Variants in LNP1 observed in about 807,000 individuals in gnomAD.
The protein encoded by LNP1 is leukemia NUP98 fusion partner 1.
A neutral mutation model predicts 14.5 loss-of-function variants in LNP1; 12 were observed. That is an observed-to-expected ratio of 0.83 (90% confidence interval 0.53 to 1.34). The LOEUF is 1.34. Among genes scored for constraint, LNP1 ranks in the 40% most tolerant of loss-of-function variants. The probability of loss-of-function intolerance (pLI) is 0.00; values close to 1 mark genes in which losing one functional copy is unlikely to be tolerated. For synonymous variants in LNP1, 75 were observed against 71.4 expected, an observed-to-expected ratio of 1.05 and a Z score of -0.26; for missense variants, 198 against 210.9, an observed-to-expected ratio of 0.94 and a Z score of 0.38.
intron 2 of LNP1, among the ~76,000 whole-genome samples, chr3:100,446,324 A>G (rs1707386369): frequency 6.6e-6 from 1 of 152,222 alleles, no homozygotes; most frequent in African/African-American, 2.4e-5. Context: ...ATCTTTGACA[A>G]ATCTGACAAA....
Position 100,416,599 on chromosome 3 carries a change from T to TGTGTG in LNP1, c.-33-13098_-33-13097insGTGTG, listed in dbSNP as rs1553740770. Reference sequence around the variant, plus strand: ...AAATAATACCTTGAGTATATCTTTTTTGTGTGTGTGTGTGTGTGTGTGTGT... The same window carrying TGTGTG: ...AAATAATACCTTGAGTATATCTTTTTGTGTGTGTGTGTGTGTGTGTGTGTGTGTGT... On this transcript the variant is annotated intron_variant, in intron 1 of 3. Coordinates refer to ENST00000383693, the MANE Select transcript of LNP1 (RefSeq NM_001085451.2). Among the ~76,000 whole-genome samples the TGTGTG allele has an allele frequency of 3.0e-3, 283 of 94,658 alleles. 3 individuals are homozygous for TGTGTG. The highest frequency in any genetic ancestry group is 3.9e-3 in the Non-Finnish European group (186 of 48,024). 62.1% of individuals were successfully genotyped at this position (94,658 alleles called of 152,430 possible). A position where few individuals can be genotyped will look rare whatever the true frequency, so the allele number is the denominator to read the frequency against.
intron 1 of LNP1, among the ~76,000 whole-genome samples, chr3:100,416,602 TG>T (rs1559840724): frequency 1.7e-3 from 101 of 58,636 alleles, no homozygotes; most frequent in African/African-American, 3.4e-3. Flanking sequence ...ATCTTTTTTG[TG>T]TGTGTGTGTG....
chr3:100,422,009 G>A (rs1028269095), intron 1 of LNP1, among the ~76,000 whole-genome samples: 6 of 151,918 alleles, frequency 3.9e-5, no homozygotes, highest in Admixed American at 3.9e-4. Context: ...CAAATATGAG[G>A]CACTCAGGAC....
intron 1 of LNP1, among the ~76,000 whole-genome samples, chr3:100,427,708 G>A (rs564711190): frequency 1.3e-5 from 2 of 152,276 alleles, no homozygotes; most frequent in South Asian, 4.1e-4. Context: ...AGGATACAAG[G>A]TAAAACTGAG....
chr3:100,431,279 A>G (rs1375766882), intron 2 of LNP1, among the ~76,000 whole-genome samples: 2 of 152,220 alleles, frequency 1.3e-5, no homozygotes, highest in Admixed American at 1.3e-4. Context: ...AGAGATAGTT[A>G]CCCCATTTAC....
At chr3:100,455,329 C>A (rs1218088859) in intron 3 of LNP1, among the ~76,000 whole-genome samples, 3 of 152,192 alleles carry the variant, frequency 2.0e-5, no homozygotes, top group African/African-American at 7.2e-5. Flanking sequence ...CATTCCTTAA[C>A]AGTTCATTCT....
intron 2 of LNP1, among the ~76,000 whole-genome samples, chr3:100,447,976 A>C (rs1707404241): frequency 6.6e-6 from 1 of 152,240 alleles, no homozygotes; most frequent in South Asian, 2.1e-4. Context: ...TTAACTGGAA[A>C]ATACCCAAAT....
intron 1 of LNP1, among the ~76,000 whole-genome samples, chr3:100,421,553 G>A (rs898979012): frequency 1.3e-5 from 2 of 152,122 alleles, no homozygotes; most frequent in African/African-American, 2.4e-5. Context: ...ATAGAATTCT[G>A]TTATATAAAT....
intron 1 of LNP1, among the ~76,000 whole-genome samples, chr3:100,425,398 C>T (rs2148902445): frequency 6.6e-6 from 1 of 152,282 alleles, no homozygotes; most frequent in Non-Finnish European, 1.5e-5. Context: ...GGAGCTGGGG[C>T]CAGTTGCTGC....
intron 2 of LNP1, among the ~76,000 whole-genome samples, chr3:100,449,474 C>T (rs1041459665): frequency 6.6e-6 from 1 of 152,134 alleles, no homozygotes; most frequent in African/African-American, 2.4e-5. Flanking sequence ...TCTCCGTTTT[C>T]GTTAAAGAAC....
chr3:100,430,676 A>G (rs534599154), intron 2 of LNP1, among the ~76,000 whole-genome samples: 3 of 152,322 alleles, frequency 2.0e-5, no homozygotes, highest in Admixed American at 6.5e-5. Context: ...TAGTTTCTCA[A>G]TCCCCTGCTG....
In LNP1 at chr3:100,416,523, T is replaced by C. The variant is rs1027796496; in HGVS notation, c.-33-13174T>C. ...GGCCATAATCTGGGTGTTCATTGCA[T>C]TTGGGTTGGCCCTTGCTTCTAGGCC... On this transcript the variant is annotated intron_variant, in intron 1 of 3. Transcript: ENST00000383693. Among the ~76,000 whole-genome samples, 43 of 151,972 alleles carry C rather than the reference T, an allele frequency of 2.8e-4. 2 individuals carry two copies. The highest frequency in any genetic ancestry group is 3.9e-4 in the Admixed American group (6 of 15,240).
intron 2 of LNP1, among the ~76,000 whole-genome samples, chr3:100,430,402 C>T (rs1357508636): frequency 2.6e-5 from 4 of 152,196 alleles, no homozygotes; most frequent in Admixed American, 1.3e-4. Flanking sequence ...TAAAACTCTC[C>T]TGCCCTCAGC....
chr3:100,411,006 A>T lies in LNP1; in HGVS notation c.-34+8567A>T, dbSNP rs146473305. Among the ~76,000 whole-genome samples the T allele has an allele frequency of 2.6e-5, 4 of 152,230 alleles. No homozygotes were observed. The East Asian group carries it at 7.7e-4, about 29-fold the overall frequency. The stretch of plus-strand genomic sequence containing the variant: ...GTTTGCCCTAGCAGAGAGCTTGTGG[A>T]CTGGCCTTACTCCTTAAGCTGAAGG... On this transcript the variant is annotated intron_variant, in intron 1 of 3. Transcript: ENST00000383693.
rs145008189 is a variant in LNP1, at chr3:100,424,712, G to A, written c.-33-4985G>A. On this transcript the variant is annotated intron_variant, in intron 1 of 3. Coordinates refer to ENST00000383693, the MANE Select transcript of LNP1 (RefSeq NM_001085451.2). ...ACTGCAGGAACTGTTTACCAGCCAA[G>A]TTCCCAGAAGCCAGCTAAGGGCTAA... 9.1e-3 allele frequency among the ~76,000 whole-genome samples: 1,381 copies of A among 152,340 alleles called. 22 individuals are homozygous for A. The highest frequency in any genetic ancestry group is 0.032 in the African/African-American group (1,343 of 41,576).
chr3:100,447,502 G>A (rs959308132), intron 2 of LNP1, among the ~76,000 whole-genome samples: 2 of 151,798 alleles, frequency 1.3e-5, no homozygotes, highest in Non-Finnish European at 2.9e-5. Context: ...TAATGTAAAT[G>A]GTGAGTTGAT....
intron 1 of LNP1, among the ~76,000 whole-genome samples, chr3:100,421,327 A>C (rs1171726010): frequency 6.6e-6 from 1 of 152,240 alleles, no homozygotes; most frequent in Non-Finnish European, 1.5e-5. Flanking sequence ...GTCCACCCAC[A>C]GTATGGAGGG....
intron 2 of LNP1, among the ~76,000 whole-genome samples, chr3:100,431,990 GT>G (rs1337142219): frequency 1.1e-5 from 1 of 94,946 alleles, no homozygotes; most frequent in African/African-American, 4.9e-5. Flanking sequence ...ATGAGACCTT[GT>G]TTATATATAT....
intron 1 of LNP1, among the ~76,000 whole-genome samples, chr3:100,402,966 G>A (rs572438405): frequency 4.8e-4 from 73 of 152,208 alleles, no homozygotes; most frequent in African/African-American, 1.4e-3. Context: ...TTTAAGGTTG[G>A]CATTAGTAAA....
Sources: gnomAD v4.1 joint callset for allele counts (sites outside exome capture counted in the v4.1 genomes callset) on GRCh38, gnomAD v4.1.1 for gene constraint, MANE v1.5 for transcripts, NCBI Gene and HGNC (gene_info 2026-07-23, HGNC 2026-07-21) for gene names.